The following DNAH11 variants were observed in gnomAD, a reference collection of about 807,000 sequenced individuals.
DNAH11 encodes the protein axonemal beta dynein heavy chain 11.
In DNAH11, 442 loss-of-function variants were observed where a neutral mutation model predicts 526.0. The observed-to-expected ratio is 0.84, with a 90% CI of 0.78 to 0.91. The LOEUF (loss-of-function observed/expected upper bound fraction) is 0.91. DNAH11 is among the 40% of genes least tolerant of loss of function. The pLI is 0.00. For missense variants in DNAH11, 6,989 were observed against 5,448.7 expected, an observed-to-expected ratio of 1.28 and a Z score of -8.90; for synonymous variants, 2,461 against 1,935.9, an observed-to-expected ratio of 1.27 and a Z score of -7.12.
intron 68 of DNAH11, among the ~76,000 whole-genome samples, chr7:21,855,289 C>G (rs1782800436): frequency 6.6e-6 from 1 of 152,148 alleles, no homozygotes; most frequent in Non-Finnish European, 1.5e-5. Flanking sequence ...CCTCAGCCTC[C>G]CAAAGTGTTG....
chr7:21,742,329 G>A (rs1471768424), intron 49 of DNAH11, among the ~76,000 whole-genome samples, 163 bp downstream of exon 49: 1 of 152,150 alleles, frequency 6.6e-6, no homozygotes, highest in East Asian at 1.9e-4. Flanking sequence ...TGCTAGCATG[G>A]CCCCAGCATC....
intron 81 of DNAH11, among the ~76,000 whole-genome samples, chr7:21,900,428 C>T (rs552654385): frequency 1.3e-5 from 2 of 151,540 alleles, no homozygotes; most frequent in Non-Finnish European, 2.9e-5. Flanking sequence ...ATAATCATTT[C>T]AAAATCTTTC....
chr7:21,884,897 G>A lies in DNAH11; in HGVS notation c.12507+487G>A, dbSNP rs190222277. The stretch of plus-strand genomic sequence containing the variant: ...TGGAAGTCCTAGAAAATAGTCTACA[G>A]TTGGACCAGTATCAGTTACTCAATT... On this transcript the variant is annotated intron_variant, in intron 76 of 81. Transcript: ENST00000409508. 8.3e-4 allele frequency among the ~76,000 whole-genome samples: 127 copies of A among 152,180 alleles called. 1 individual carries two copies. The highest frequency in any genetic ancestry group is 6.0e-3 in the Admixed American group (91 of 15,276).
At chr7:21,545,561 T>A (rs557011453) in intron 2 of DNAH11, among the ~76,000 whole-genome samples, 27 of 152,312 alleles carry the variant, frequency 1.8e-4, no homozygotes, top group Middle Eastern at 3.4e-3. Context: ...AGTTCCTTTT[T>A]ATACTTGTTA....
intron 30 of DNAH11, among the ~76,000 whole-genome samples, chr7:21,672,894 T>G (rs954969910): frequency 2.0e-5 from 3 of 152,202 alleles, no homozygotes; most frequent in Non-Finnish European, 4.4e-5. Flanking sequence ...TCTGTTACTT[T>G]CTAGGTCTGA....
At chr7:21,690,166 A>G (rs990872752) in intron 34 of DNAH11, among the ~76,000 whole-genome samples, 1 of 152,156 alleles carries the variant, frequency 6.6e-6, no homozygotes, top group East Asian at 1.9e-4. Context: ...TATGATTATT[A>G]TTTTTACTAG....
intron 61 of DNAH11, among the ~76,000 whole-genome samples, chr7:21,798,471 C>G (rs1216263410): frequency 1.3e-5 from 2 of 152,160 alleles, no homozygotes; most frequent in African/African-American, 2.4e-5. Flanking sequence ...GACTGGGAAG[C>G]CTGGAAGTAT....
intron 18 of DNAH11, among the ~76,000 whole-genome samples, chr7:21,605,251 A>G (rs1348291807): frequency 6.6e-6 from 1 of 152,182 alleles, no homozygotes; most frequent in African/African-American, 2.4e-5. Flanking sequence ...AGTCTTTAGA[A>G]CCTTTGAGTT....
chr7:21,886,048 G>A (rs1255931350), intron 76 of DNAH11, among the ~76,000 whole-genome samples: 2 of 152,164 alleles, frequency 1.3e-5, no homozygotes, highest in South Asian at 2.1e-4. Flanking sequence ...TCTTGGAAAC[G>A]TAAAGCACCT....
At chr7:21,664,650 G>A (rs1782358568) in intron 30 of DNAH11, among the ~76,000 whole-genome samples, 1 of 151,946 alleles carries the variant, frequency 6.6e-6, no homozygotes. Flanking sequence ...TTATGGAGAG[G>A]TGGTCTAACT....
chr7:21,560,446 C>T (rs1258274147), intron 4 of DNAH11, among the ~76,000 whole-genome samples: 1 of 151,978 alleles, frequency 6.6e-6, no homozygotes, highest in East Asian at 1.9e-4. Context: ...AGTCTGAGTC[C>T]CAAAACCTCA....
At chr7:21,837,501 C>T (rs1344490845) in intron 65 of DNAH11, among the ~76,000 whole-genome samples, 2 of 152,120 alleles carry the variant, frequency 1.3e-5, no homozygotes, top group East Asian at 3.9e-4. Context: ...TGCCTGCTCT[C>T]ATTCGTGTTA....
At chr7:21,545,860 C>T (rs1012881242) in intron 2 of DNAH11, among the ~76,000 whole-genome samples, 1 of 152,164 alleles carries the variant, frequency 6.6e-6, no homozygotes, top group African/African-American at 2.4e-5. Context: ...TAACCAGGTT[C>T]CATGGAACTA....
Position 21,558,917 on chromosome 7 carries a change from G to T in DNAH11, c.611G>T (p.Gly204Val), listed in dbSNP as rs1427462468. The T allele has an allele frequency of 1.3e-6, 2 of 1,599,938 alleles. No homozygotes were observed. The highest frequency in any genetic ancestry group is 1.7e-6 in the Non-Finnish European group (2 of 1,172,576). ...VMKKKMYIFR[G>V]KMSRRTLLPI... Reference sequence around the variant, plus strand: ...AAAAAGAAGATGTATATTTTTAGGGGCAAAATGTCTAGAAGAACTCTTCTA... The same window carrying T: ...AAAAAGAAGATGTATATTTTTAGGGTCAAAATGTCTAGAAGAACTCTTCTA... Residue 204 changes from glycine (G) to valine (V), a missense_variant, in exon 3 of 82, where the codon GGC (glycine) becomes GTC (valine). By Grantham distance (109) the Gly-to-Val change is moderately radical. Transcript: ENST00000409508.
At chr7:21,880,084 CAAAAA>C (rs57931095) in intron 74 of DNAH11, among the ~76,000 whole-genome samples, 112 of 93,738 alleles carry the variant, frequency 1.2e-3, no homozygotes, top group African/African-American at 4.0e-3. Context: ...GACTCCGTCT[CAAAAA>C]AAAAAAAAAA....
chr7:21,830,743 A>G (rs894665173), intron 65 of DNAH11, among the ~76,000 whole-genome samples: 1 of 152,188 alleles, frequency 6.6e-6, no homozygotes, highest in Non-Finnish European at 1.5e-5. Flanking sequence ...ATGCTCTGCT[A>G]GATGAAACAG....
chr7:21,810,921 C>T (rs904834230), intron 63 of DNAH11, among the ~76,000 whole-genome samples: 1 of 152,152 alleles, frequency 6.6e-6, no homozygotes, highest in Non-Finnish European at 1.5e-5. Flanking sequence ...TCCAGAAATT[C>T]TACTTCTCAG....
chr7:21,802,429 A>T (rs1365130747), intron 62 of DNAH11, among the ~76,000 whole-genome samples: 1 of 152,222 alleles, frequency 6.6e-6, no homozygotes, highest in African/African-American at 2.4e-5. Flanking sequence ...AAAACGTTAA[A>T]CATAAAGTTA....
rs1475742855 is a variant in DNAH11, at chr7:21,588,112, A to G, written c.1759A>G (p.Ile587Val). 1 of 1,613,426 alleles carries G rather than the reference A, an allele frequency of 6.2e-7. No individual in the cohort carries two copies. The highest frequency in any genetic ancestry group is 2.2e-5 in the East Asian group (1 of 44,804). ...TCTAGAGAAGCCAGTTGTCATGGAA[A>G]TTTTCAGCCTACATTACAGCACACT... ...NFLEKPVVME[I>V]FSLHYSTLVH... Residue 587 changes from isoleucine (I) to valine (V), a missense_variant, in exon 10 of 82, where the codon ATT becomes GTT. Coordinates refer to ENST00000409508, the MANE Select transcript of DNAH11 (RefSeq NM_001277115.2).
Sources: gnomAD v4.1 joint callset for allele counts (sites outside exome capture counted in the v4.1 genomes callset) on GRCh38, gnomAD v4.1.1 for gene constraint, MANE v1.5 for transcripts, NCBI Gene and HGNC (gene_info 2026-07-23, HGNC 2026-07-21) for gene names.